FANCL: variants seen among roughly 807,000 people sequenced by gnomAD.
The protein encoded by FANCL is E3 ubiquitin-protein ligase FANCL.
Under a neutral mutation model 59.4 loss-of-function variants are expected in FANCL, and 69 were observed. That is an observed-to-expected ratio of 1.16 (90% CI 0.96 to 1.42). FANCL has a LOEUF of 1.42. FANCL is among the 40% of genes most tolerant of loss of function. FANCL has a pLI of 0.00. For synonymous variants in FANCL, 180 were observed against 147.1 expected, an observed-to-expected ratio of 1.22 and a Z score of -1.62; for missense variants, 519 against 447.2, an observed-to-expected ratio of 1.16 and a Z score of -1.45.
chr2:58,208,894 T>C (rs1690851765), intron 5 of FANCL, among the ~76,000 whole-genome samples: 1 of 152,190 alleles, frequency 6.6e-6, no homozygotes, highest in Non-Finnish European at 1.5e-5. Flanking sequence ...AGAGAATCAT[T>C]AGCCTCGTAG....
rs190476573 is a variant in FANCL, at chr2:58,190,895, G to A, written c.540+7699C>T. ...TATTTTGGCACAAAAAGATGAGGGG[G>A]GAATATTTTCTAGCTCTAAGTATTA... On this transcript the variant is annotated intron_variant, in intron 7 of 13. Coordinates refer to ENST00000233741, the MANE Select transcript of FANCL (RefSeq NM_018062.4). Among the ~76,000 whole-genome samples, 6 of 151,884 alleles carry A rather than the reference G, an allele frequency of 4.0e-5. No homozygotes were observed. The East Asian group carries it at 9.7e-4, about 24-fold the overall frequency.
intron 5 of FANCL, among the ~76,000 whole-genome samples, chr2:58,207,131 G>A (rs1690664897): frequency 6.6e-6 from 1 of 152,128 alleles, no homozygotes; most frequent in Non-Finnish European, 1.5e-5. Flanking sequence ...CAAGTGATGT[G>A]TGCTTTTGGG....
intron 7 of FANCL, among the ~76,000 whole-genome samples, chr2:58,187,226 T>C (rs1190016523): frequency 6.6e-6 from 1 of 152,096 alleles, no homozygotes; most frequent in Non-Finnish European, 1.5e-5. Context: ...CATGGAATAC[T>C]ATGCAGCCAT....
At chr2:58,193,110 GA>G (rs1488750008) in intron 7 of FANCL, among the ~76,000 whole-genome samples, 2 of 151,946 alleles carry the variant, frequency 1.3e-5, no homozygotes, top group African/African-American at 4.8e-5. Flanking sequence ...AGTAAATGTA[GA>G]GATAAATGTT....
At chr2:58,170,520 T>A (rs1268026442) in intron 7 of FANCL, among the ~76,000 whole-genome samples, 10 of 151,956 alleles carry the variant, frequency 6.6e-5, no homozygotes, top group Non-Finnish European at 8.8e-5. Flanking sequence ...AGGATCAAAT[T>A]TACACATAAA....
chr2:58,241,236 C>T lies in FANCL; in HGVS notation c.78G>A (p.Glu26=). 1 of 1,614,276 alleles carries T rather than the reference C, an allele frequency of 6.2e-7. No homozygotes were observed. The highest frequency in any genetic ancestry group is 1.1e-5 in the South Asian group (1 of 91,090). ...CGGGTACCTGAGCCGAGATGAATCCCTCATACACGGTTTTCGACCGGTTCT... is the reference window on the plus strand; with the variant it reads ...CGGGTACCTGAGCCGAGATGAATCCTTCATACACGGTTTTCGACCGGTTCT... ...LPQNRSKTVY[E]GFISAQGRDF... The change falls in exon 1 of 14, where the codon GAG becomes GAA. Residue 26 remains glutamate (E), a synonymous_variant. Transcript: ENST00000233741.
At chr2:58,232,844 G>A (rs958033352) in intron 1 of FANCL, among the ~76,000 whole-genome samples, 1 of 151,858 alleles carries the variant, frequency 6.6e-6, no homozygotes, top group Non-Finnish European at 1.5e-5. Context: ...CAGGAAACTT[G>A]AGCAAAAATA....
At chr2:58,190,700 T>C (rs999773400) in intron 7 of FANCL, among the ~76,000 whole-genome samples, 2 of 151,888 alleles carry the variant, frequency 1.3e-5, no homozygotes, top group East Asian at 3.8e-4. Flanking sequence ...GAATACCAAT[T>C]TGCTGCTAGC....
rs551828597 is a variant in FANCL, at chr2:58,232,119, A to G, written c.97-7T>C. 20 of 1,611,468 alleles carry G rather than the reference A, an allele frequency of 1.2e-5. No individual in the cohort carries two copies. In the African/African-American group the frequency reaches 2.4e-4, roughly 19 times the overall value. On this transcript the variant is annotated splice_polypyrimidine_tract_variant and splice_region_variant and intron_variant, in intron 1 of 13. Transcript: ENST00000233741. ...TAAGGTGGAAGTCTCTTCCCTGTGG[A>G]AAATATTGAAAAGGATCACTCAAAT...
chr2:58,212,655 T>C (rs1314964001), intron 5 of FANCL, among the ~76,000 whole-genome samples: 1 of 152,214 alleles, frequency 6.6e-6, no homozygotes, highest in East Asian at 1.9e-4. Flanking sequence ...ATTCTTATTT[T>C]TTTAATAGGC....
At chr2:58,240,404 G>T (rs1327828669) in intron 1 of FANCL, among the ~76,000 whole-genome samples, 1 of 152,136 alleles carries the variant, frequency 6.6e-6, no homozygotes, top group Non-Finnish European at 1.5e-5. Flanking sequence ...AGGTATCCTG[G>T]TGCAATGTAA....
intron 7 of FANCL, among the ~76,000 whole-genome samples, chr2:58,168,340 G>A (rs750998663): frequency 2.0e-5 from 3 of 152,164 alleles, no homozygotes; most frequent in African/African-American, 2.4e-5. Flanking sequence ...CTCAGGAAGC[G>A]CAAGGGGTTG....
intron 5 of FANCL, among the ~76,000 whole-genome samples, chr2:58,211,942 T>C (rs1458475622): frequency 6.6e-6 from 1 of 152,188 alleles, no homozygotes; most frequent in Non-Finnish European, 1.5e-5. Flanking sequence ...CTCTCCCACA[T>C]TTTCCTATCT....
intron 5 of FANCL, among the ~76,000 whole-genome samples, chr2:58,209,336 T>G (rs1322814104): frequency 6.6e-6 from 1 of 152,190 alleles, no homozygotes; most frequent in African/African-American, 2.4e-5. Flanking sequence ...GCAAACTGTT[T>G]TAATTAAATA....
At chr2:58,210,255 G>T (rs1214728308) in intron 5 of FANCL, among the ~76,000 whole-genome samples, 1 of 152,168 alleles carries the variant, frequency 6.6e-6, no homozygotes, top group African/African-American at 2.4e-5. Context: ...CCATGTGGCT[G>T]GGGAAGGCTC....
At chr2:58,164,131 T>C (rs1433585157) in intron 8 of FANCL, among the ~76,000 whole-genome samples, 1 of 151,976 alleles carries the variant, frequency 6.6e-6, no homozygotes, top group Non-Finnish European at 1.5e-5. Context: ...CCTAAGAAAA[T>C]TGGCACTAGG....
chr2:58,212,173 C>G (rs570046360), intron 5 of FANCL, among the ~76,000 whole-genome samples: 2 of 152,170 alleles, frequency 1.3e-5, no homozygotes, highest in Non-Finnish European at 2.9e-5. Context: ...GGAAGCCTCA[C>G]AATCATGGTG....
intron 7 of FANCL, among the ~76,000 whole-genome samples, chr2:58,188,043 CTTTATA>C (rs1036890720): frequency 2.2e-4 from 34 of 152,212 alleles, no homozygotes; most frequent in Middle Eastern, 3.4e-3. Flanking sequence ...CTTCTAGAAG[CTTTATA>C]TTTATGTTTT....
chr2:58,163,388 G>T, intron 9 of FANCL, 46 bp downstream of exon 9: 1 of 1,234,940 alleles, frequency 8.1e-7, no homozygotes, highest in South Asian at 1.2e-5. Context: ...GCTAGGCAAG[G>T]ATTTTATGAC....
Sources: gnomAD v4.1 joint callset for allele counts (sites outside exome capture counted in the v4.1 genomes callset) on GRCh38, gnomAD v4.1.1 for gene constraint, MANE v1.5 for transcripts, NCBI Gene and HGNC (gene_info 2026-07-23, HGNC 2026-07-21) for gene names.